The following GALNT13 variants were observed in gnomAD, a reference collection of about 807,000 sequenced individuals.
The protein encoded by GALNT13 is polypeptide N-acetylgalactosaminyltransferase 13.
In GALNT13, 28 loss-of-function variants were observed where a neutral mutation model predicts 64.2. The ratio of observed to expected loss-of-function variants is 0.44; its 90% CI spans 0.32 to 0.60. The LOEUF is 0.60. Ranked by LOEUF, GALNT13 falls within the 20% of genes least tolerant of loss-of-function variation. The pLI is 0.05. For missense variants in GALNT13, 577 were observed against 669.8 expected (o/e 0.86, Z 1.53); for synonymous variants, 214 against 224.6 (o/e 0.95, Z 0.42).
At chr2:153,410,503 C>T in the GALNT13 span, among the ~76,000 whole-genome samples, 3 of 151,916 alleles carry the variant, frequency 2.0e-5, no homozygotes, top group African/African-American at 4.8e-5. Context: ...TTTTCCAAGC[C>T]CAAATCACTC....
the GALNT13 span, among the ~76,000 whole-genome samples, chr2:153,205,384 A>C: frequency 6.6e-6 from 1 of 152,080 alleles, no homozygotes; most frequent in African/African-American, 2.4e-5. Context: ...GTCCTAAAAG[A>C]GCTGCTGAGA....
chr2:153,927,128 T>G (rs912741494), intron 2 of GALNT13, among the ~76,000 whole-genome samples: 2 of 152,092 alleles, frequency 1.3e-5, no homozygotes, highest in African/African-American at 4.8e-5. Context: ...TGATAATTTT[T>G]AAGAAAATGG....
chr2:154,078,447 A>G (rs1025609606), intron 3 of GALNT13, among the ~76,000 whole-genome samples: 1 of 151,520 alleles, frequency 6.6e-6, no homozygotes, highest in African/African-American at 2.4e-5. Context: ...ATAGATAGAT[A>G]GAGTAAACAT....
the GALNT13 span, among the ~76,000 whole-genome samples, chr2:153,358,574 T>A: frequency 1.3e-5 from 2 of 152,194 alleles, no homozygotes; most frequent in African/African-American, 4.8e-5. Flanking sequence ...AAATAGCTGA[T>A]ATGGATATTT....
At chr2:153,990,585 G>A (rs754510504) in intron 3 of GALNT13, among the ~76,000 whole-genome samples, 8 of 152,104 alleles carry the variant, frequency 5.3e-5, no homozygotes, top group African/African-American at 1.7e-4. Context: ...TCTTTGAGTC[G>A]TATTTTGAGA....
At chr2:153,300,328 G>A in the GALNT13 span, among the ~76,000 whole-genome samples, 2 of 152,140 alleles carry the variant, frequency 1.3e-5, no homozygotes, top group Non-Finnish European at 2.9e-5. Context: ...TGATATGAGA[G>A]ATGTTGGGTC....
the GALNT13 span, among the ~76,000 whole-genome samples, chr2:153,155,827 T>C: frequency 6.6e-6 from 1 of 151,990 alleles, no homozygotes; most frequent in Admixed American, 6.6e-5. Context: ...TTAAAAGAGG[T>C]TGAAAAATTT....
the GALNT13 span, among the ~76,000 whole-genome samples, chr2:153,142,497 G>A: frequency 1.6e-3 from 240 of 152,042 alleles, 1 homozygote; most frequent in African/African-American, 5.5e-3. Flanking sequence ...GATGATTTAG[G>A]ATGTTCTACT....
the GALNT13 span, among the ~76,000 whole-genome samples, chr2:153,822,443 A>G: frequency 6.6e-6 from 1 of 152,172 alleles, no homozygotes; most frequent in Non-Finnish European, 1.5e-5. Context: ...AAATAAACAA[A>G]TATGACTCAC....
At chr2:153,293,336 C>A in the GALNT13 span, among the ~76,000 whole-genome samples, 12 of 151,904 alleles carry the variant, frequency 7.9e-5, no homozygotes, top group South Asian at 2.5e-3. Context: ...TCACAAGGGT[C>A]CTTAAAAGAT....
chr2:153,460,624 A>C, the GALNT13 span, among the ~76,000 whole-genome samples: 1 of 152,208 alleles, frequency 6.6e-6, no homozygotes, highest in East Asian at 1.9e-4. Flanking sequence ...GTGGGGTTAA[A>C]GAGCAACAAA....
chr2:154,178,507 G>GTA (rs1287143140), intron 4 of GALNT13, among the ~76,000 whole-genome samples: 12 of 152,010 alleles, frequency 7.9e-5, no homozygotes, highest in Non-Finnish European at 1.8e-4. Flanking sequence ...ATGCACATGT[G>GTA]TATATATATG....
chr2:153,527,467 C>T, the GALNT13 span, among the ~76,000 whole-genome samples: 1 of 151,984 alleles, frequency 6.6e-6, no homozygotes, highest in Non-Finnish European at 1.5e-5. Context: ...AATACTTTCC[C>T]AGACAAACAA....
chr2:153,739,852 T>C, the GALNT13 span, among the ~76,000 whole-genome samples: 1 of 151,546 alleles, frequency 6.6e-6, no homozygotes. Context: ...TATCAGGTTT[T>C]GGTTATAGGT....
intron 8 of GALNT13, among the ~76,000 whole-genome samples, chr2:154,265,847 C>T (rs1016984323): frequency 6.6e-6 from 1 of 152,136 alleles, no homozygotes; most frequent in East Asian, 1.9e-4. Context: ...TCCTGGTAAA[C>T]ATTGATGCAG....
In GALNT13 at chr2:154,204,272, A is replaced by G. The variant is rs562111394; in HGVS notation, c.312-37758A>G. Among the ~76,000 whole-genome samples, 135 of 152,260 alleles carry G rather than the reference A, an allele frequency of 8.9e-4. 1 individual carries two copies. Among genetic ancestry groups the G allele is most frequent in the African/African-American group, 3.2e-3 (133 of 41,564 alleles). On this transcript the variant is annotated intron_variant, in intron 4 of 12. Coordinates refer to ENST00000392825, the MANE Select transcript of GALNT13 (RefSeq NM_052917.4). Reference sequence around the variant, plus strand: ...ATTACCCTATTTAAGTGTTTCATAGAACTTATTTTTTAATTGTATAGTGAT... The same window carrying G: ...ATTACCCTATTTAAGTGTTTCATAGGACTTATTTTTTAATTGTATAGTGAT...
chr2:153,657,775 T>C, the GALNT13 span, among the ~76,000 whole-genome samples: 1 of 152,138 alleles, frequency 6.6e-6, no homozygotes, highest in Admixed American at 6.6e-5. Context: ...ATTAGGCATA[T>C]GTTTGAGAAC....
At chr2:154,349,978 T>C (rs1448822768) in intron 9 of GALNT13, among the ~76,000 whole-genome samples, 5 of 152,214 alleles carry the variant, frequency 3.3e-5, no homozygotes, top group African/African-American at 7.2e-5. Flanking sequence ...GTTCTAAGTG[T>C]TGCTAACAGC....
At chr2:154,306,420 G>A (rs575042149) in intron 9 of GALNT13, among the ~76,000 whole-genome samples, 5 of 151,974 alleles carry the variant, frequency 3.3e-5, no homozygotes, top group South Asian at 2.1e-4. Flanking sequence ...CTGTTCCTGC[G>A]TTATATCATT....
Sources: gnomAD v4.1 joint callset for allele counts (sites outside exome capture counted in the v4.1 genomes callset) on GRCh38, gnomAD v4.1.1 for gene constraint, MANE v1.5 for transcripts, NCBI Gene and HGNC (gene_info 2026-07-23, HGNC 2026-07-21) for gene names.